The following ASAH1 variants were observed in gnomAD, a reference collection of about 807,000 sequenced individuals.
The protein encoded by ASAH1 is N-acylsphingosine amidohydrolase 1.
In ASAH1, 70 loss-of-function variants were observed where a neutral mutation model predicts 59.5. The observed-to-expected ratio is 1.18, with a 90% CI of 0.97 to 1.43. The LOEUF (loss-of-function observed/expected upper bound fraction) is 1.43. ASAH1 is among the 40% of genes most tolerant of loss of function. The pLI is 0.00. For synonymous variants in ASAH1, 213 were observed against 166.5 expected, an observed-to-expected ratio of 1.28 and a Z score of -2.15; for missense variants, 660 against 482.5, an observed-to-expected ratio of 1.37 and a Z score of -3.45.
At chr8:18,067,051 T>A in intron 5 of ASAH1, 169 bp downstream of exon 5, 1 of 285,690 alleles carries the variant, frequency 3.5e-6, no homozygotes, top group Non-Finnish European at 7.3e-6. Flanking sequence ...CATGGCTACA[T>A]GCATGCATGC....
intron 5 of ASAH1, 154 bp downstream of exon 5, chr8:18,067,066 C>A: frequency 9.1e-6 from 2 of 220,478 alleles, no homozygotes; most frequent in Non-Finnish European, 1.0e-5. Context: ...GCATGCATTT[C>A]TGAAGCTTCA....
At chr8:18,067,124 C>A in intron 5 of ASAH1, 96 bp downstream of exon 5, 1 of 542,682 alleles carries the variant, frequency 1.8e-6, no homozygotes, top group Non-Finnish European at 2.5e-6. Context: ...ATATCTAAGA[C>A]ATACAGCACC....
intron 12 of ASAH1, 110 bp downstream of exon 12, chr8:18,059,231 T>A (rs1158217242): frequency 2.6e-6 from 4 of 1,538,932 alleles, no homozygotes; most frequent in Non-Finnish European, 3.6e-6. Flanking sequence ...CTAGAGATAC[T>A]ATGAAAAATA....
At position 18,062,422 on chromosome 8, in the gene ASAH1, A is replaced by G. The variant is rs756455049; in HGVS notation, c.505T>C (p.Trp169Arg). ...ACCCAGGTATCATTATTTATGTTCC[A>G]CCTATAAAAGACATGTTTCAGTGAC... The part of the protein sequence containing the change: ...RNMDFGVFLG[W>R]NINNDTWVIT... Residue 169 changes from tryptophan to arginine, a missense_variant and splice_region_variant, in exon 8 of 14, where the codon TGG (tryptophan) becomes CGG (arginine). Transcript: ENST00000637790. 6.2e-7 allele frequency: 1 copy of G among 1,614,030 alleles called. No homozygotes were observed. Among genetic ancestry groups the G allele is most frequent in the South Asian group, 1.1e-5 (1 of 91,082 alleles).
intron 1 of ASAH1, among the ~76,000 whole-genome samples, chr8:18,081,073 C>T (rs1219855285): frequency 6.6e-6 from 1 of 152,108 alleles, no homozygotes; most frequent in Non-Finnish European, 1.5e-5. Context: ...TGCCTCTCTG[C>T]CACCTGAAAT....
At chr8:18,065,703 G>C (rs1799901473) in intron 5 of ASAH1, 2 of 152,012 alleles carry the variant, frequency 1.3e-5, no homozygotes, top group African/African-American at 2.4e-5. Flanking sequence ...TAAATATTGA[G>C]AAAAACAAAG....
rs1799608413 is a variant in ASAH1 at position 18,059,591 on chromosome 8, C to T, written c.898G>A (p.Glu300Lys). The T allele has an allele frequency of 1.2e-6, 2 of 1,614,162 alleles. No homozygotes were observed. The highest frequency in any genetic ancestry group is 1.7e-5 in the Admixed American group (1 of 60,014). The change falls in exon 11 of 14, where the codon GAA becomes AAA. Residue 300 changes from glutamate to lysine, a missense_variant. Physicochemically the swap from Glu to Lys is moderately conservative, Grantham distance 56. Transcript: ENST00000637790. Reference sequence around the variant, plus strand: ...ACTTACTCATATACATCCAATGATTCCTTTCTGTCTCGTGTAATCACACAA... The same window carrying T: ...ACTTACTCATATACATCCAATGATTTCTTTCTGTCTCGTGTAATCACACAA... ...EGCVITRDRK[E>K]SLDVYELDAK...
chr8:18,062,063 C>T, intron 8 of ASAH1: 2 of 660,768 alleles, frequency 3.0e-6, no homozygotes, highest in Non-Finnish European at 5.1e-6. Flanking sequence ...CACCCAGCCA[C>T]ATGCTCTTTA....
intron 7 of ASAH1, 100 bp from the exon 8 acceptor site, chr8:18,062,523 G>A (rs761086598): frequency 2.4e-4 from 306 of 1,261,928 alleles, no homozygotes; most frequent in Non-Finnish European, 1.7e-4. Flanking sequence ...TTTATTTACC[G>A]AGTCACCACG....
chr8:18,070,907 T>A (rs1201854477), intron 3 of ASAH1, among the ~76,000 whole-genome samples: 6 of 151,890 alleles, frequency 4.0e-5, no homozygotes, highest in African/African-American at 1.2e-4. Flanking sequence ...GGAAAATAAA[T>A]AAATAAAATA....
intron 6 of ASAH1, 48 bp from the exon 7 acceptor site, chr8:18,063,278 A>G (rs926829785): frequency 1.3e-6 from 2 of 1,494,764 alleles, no homozygotes; most frequent in Non-Finnish European, 1.9e-6. Context: ...TTAAGATTCT[A>G]AATCAAAGCT....
chr8:18,068,001 T>C (rs1012337749), intron 4 of ASAH1: 1 of 151,710 alleles, frequency 6.6e-6, no homozygotes, highest in Admixed American at 6.6e-5. Context: ...CCTAAACATA[T>C]TTTTTTTCTC....
Position 18,074,547 on chromosome 8 carries a change from A to T in ASAH1, c.125+994T>A, listed in dbSNP as rs1198027774. Among the ~76,000 whole-genome samples, 3 of 152,154 alleles carry T rather than the reference A, an allele frequency of 2.0e-5. No homozygotes were observed. The East Asian group carries it at 5.8e-4, about 29-fold the overall frequency. ...ATAGAGTTGTACTGTTTCCCCCTACAAACAGCAGGCTACTTTCAGCGAAAG... is the reference window on the plus strand; with the variant it reads ...ATAGAGTTGTACTGTTTCCCCCTACTAACAGCAGGCTACTTTCAGCGAAAG... On this transcript the variant is annotated intron_variant, in intron 2 of 13. Coordinates refer to ENST00000637790, the MANE Select transcript of ASAH1 (RefSeq NM_177924.5).
Position 18,061,381 on chromosome 8 carries a change from T to C in ASAH1, c.781A>G (p.Thr261Ala). 1.2e-6 allele frequency: 2 copies of C among 1,609,998 alleles called. No individual in the cohort carries two copies. Among genetic ancestry groups the C allele is most frequent in the Non-Finnish European group, 1.7e-6 (2 of 1,176,140 alleles). ...FLTRTVLENS[T>A]SYEEAKNLLT... ...TAAAGCAACGAAACACTTTACCTTG[T>C]GCTATTTTCCAGAACTGTTCTAGTG... The change falls in exon 10 of 14, where the codon ACA (threonine) becomes GCA (alanine). Residue 261 changes from threonine to alanine, a missense_variant. Transcript: ENST00000637790.
In ASAH1 at chr8:18,064,437, C is replaced by A. The variant is rs1320753508; in HGVS notation, c.457+20G>T. ...TATGTAGTGCTTCATGCTGCCCACC[C>A]TCCCTCAGCGCACAATTACCTTTTT... is the stretch of plus-strand genomic sequence containing the variant. On this transcript the variant is annotated intron_variant, in intron 6 of 13. Transcript: ENST00000637790. 4 of 1,470,486 alleles carry A rather than the reference C, an allele frequency of 2.7e-6. No individual in the cohort carries two copies. The South Asian group carries it at 4.6e-5, about 17-fold the overall frequency. The allele number at this position is 1,470,486 out of a possible 1,614,324, so 91.1% of individuals were successfully genotyped here. A position where few individuals can be genotyped will look rare whatever the true frequency, so the allele number is the denominator to read the frequency against.
chr8:18,065,795 G>A (rs1799904748), intron 5 of ASAH1: 1 of 151,456 alleles, frequency 6.6e-6, no homozygotes, highest in Non-Finnish European at 1.5e-5. Context: ...TATAAGGGAA[G>A]ACAAAAAGAC....
At chr8:18,066,924 G>A in intron 5 of ASAH1, 1 of 368,420 alleles carries the variant, frequency 2.7e-6, no homozygotes, top group Non-Finnish European at 4.8e-6. Context: ...TCACGAAGAG[G>A]CAAAACTAAT....
At chr8:18,067,343 T>C (rs910824071) in intron 4 of ASAH1, 45 bp from the exon 5 acceptor site, 1 of 1,132,434 alleles carries the variant, frequency 8.8e-7, no homozygotes, top group South Asian at 2.1e-5. Flanking sequence ...ATAATAACAA[T>C]AAAAAATATA....
upstream of ASAH1, chr8:18,084,625 A>G (rs10106608): frequency 0.038 from 61,933 of 1,609,454 alleles, 1,415 homozygotes; most frequent in South Asian, 0.06. Context: ...GTGGCCGAGG[A>G]GTGAGAGAGA....
Sources: allele counts gnomAD v4.1 joint callset (sites outside exome capture counted in the v4.1 genomes callset), GRCh38; gene constraint gnomAD v4.1.1; transcripts MANE v1.5; gene names NCBI Gene and HGNC (gene_info 2026-07-23, HGNC 2026-07-21).